Variants in ADGRB3 observed in about 807,000 individuals in gnomAD.
The protein encoded by ADGRB3 is brain-specific angiogenesis inhibitor 3.
Under a neutral mutation model 193.4 loss-of-function variants are expected in ADGRB3, and 37 were observed. That is an observed-to-expected ratio of 0.19 (90% CI 0.15 to 0.25). ADGRB3 has a LOEUF of 0.25. Among genes scored for constraint, ADGRB3 ranks in the 10% least tolerant of loss-of-function variants. The pLI, the probability that ADGRB3 is intolerant of heterozygous loss-of-function variation, is 1.00. For synonymous variants in ADGRB3, 690 were observed against 644.2 expected, an observed-to-expected ratio of 1.07 and a Z score of -1.08; for missense variants, 1,637 against 1,852.9, an observed-to-expected ratio of 0.88 and a Z score of 2.14.
chr6:69,333,264 C>G (rs905546186), intron 24 of ADGRB3, among the ~76,000 whole-genome samples: 1 of 152,084 alleles, frequency 6.6e-6, no homozygotes, highest in Admixed American at 6.5e-5. Context: ...CAGATAAGAA[C>G]GTTAAACATT....
chr6:69,009,563 T>G (rs1769871728), intron 11 of ADGRB3, among the ~76,000 whole-genome samples: 1 of 152,146 alleles, frequency 6.6e-6, no homozygotes, highest in Non-Finnish European at 1.5e-5. Context: ...AGTGGCTGGA[T>G]CACATATGGC....
intron 13 of ADGRB3, among the ~76,000 whole-genome samples, chr6:69,019,797 ACCTT>A (rs1770208053): frequency 6.6e-6 from 1 of 151,990 alleles, no homozygotes; most frequent in Non-Finnish European, 1.5e-5. Context: ...AGGAAGCTGT[ACCTT>A]CTTATGGACA....
In ADGRB3 at chr6:68,691,168, T is replaced by G. The variant is rs550789329; in HGVS notation, c.757+51736T>G. Among the ~76,000 whole-genome samples, 6 of 152,214 alleles carry G rather than the reference T, an allele frequency of 3.9e-5. No individual in the cohort carries two copies. The East Asian group carries it at 1.2e-3, about 29-fold the overall frequency. On this transcript the variant is annotated intron_variant, in intron 3 of 31. Transcript: ENST00000370598. ...AGTTCTAGGGGAATCAGTTGAATAT[T>G]TGAATGGATCTTAACAAAACTGAAT...
intron 3 of ADGRB3, among the ~76,000 whole-genome samples, chr6:68,679,943 C>T (rs139528848): frequency 5.7e-4 from 87 of 152,160 alleles, no homozygotes; most frequent in African/African-American, 1.9e-3. Context: ...CTAATCCCAA[C>T]GGAAGGTATT....
At chr6:68,963,519 A>G (rs888009809) in intron 8 of ADGRB3, among the ~76,000 whole-genome samples, 2 of 152,106 alleles carry the variant, frequency 1.3e-5, no homozygotes, top group Non-Finnish European at 2.9e-5. Context: ...TAGCTTTCCA[A>G]TGTTATCTCA....
intron 3 of ADGRB3, among the ~76,000 whole-genome samples, chr6:68,690,852 T>A (rs1388119476): frequency 6.6e-6 from 1 of 152,158 alleles, no homozygotes; most frequent in Non-Finnish European, 1.5e-5. Flanking sequence ...ATTTTATGTT[T>A]ATTTTCCCAT....
intron 5 of ADGRB3, among the ~76,000 whole-genome samples, chr6:68,942,123 A>G (rs1037866237): frequency 1.3e-5 from 2 of 152,004 alleles, no homozygotes; most frequent in Non-Finnish European, 2.9e-5. Flanking sequence ...TTCAATATTT[A>G]AACATCCTAT....
chr6:69,052,995 G>C (rs1771444021), intron 15 of ADGRB3, among the ~76,000 whole-genome samples: 1 of 152,146 alleles, frequency 6.6e-6, no homozygotes, highest in African/African-American at 2.4e-5. Flanking sequence ...AGACCAGCCT[G>C]GCCAACATGG....
chr6:69,095,796 C>A (rs893978373), intron 17 of ADGRB3, among the ~76,000 whole-genome samples: 2 of 152,132 alleles, frequency 1.3e-5, no homozygotes, highest in African/African-American at 4.8e-5. Context: ...AACATACACA[C>A]ACGCACATGC....
Position 68,641,462 on chromosome 6 carries a change from A to G in ADGRB3, c.757+2030A>G, listed in dbSNP as rs987159693. 2.1e-4 allele frequency among the ~76,000 whole-genome samples: 32 copies of G among 152,200 alleles called. 1 individual carries two copies. ...TGTATATTGTCATTAATTCACTGGCAAAATGAAAAAGAAATACCTTCACTG... is the reference window on the plus strand; with the variant it reads ...TGTATATTGTCATTAATTCACTGGCGAAATGAAAAAGAAATACCTTCACTG... On this transcript the variant is annotated intron_variant, in intron 3 of 31. Coordinates refer to ENST00000370598, the MANE Select transcript of ADGRB3 (RefSeq NM_001704.3).
intron 8 of ADGRB3, among the ~76,000 whole-genome samples, chr6:68,969,198 T>A (rs1273053957): frequency 6.6e-6 from 1 of 152,072 alleles, no homozygotes; most frequent in African/African-American, 2.4e-5. Flanking sequence ...GTATTTTCAA[T>A]CTGTTGTGAG....
rs138551399 is a variant in ADGRB3 at position 68,915,796 on chromosome 6, C to A, written c.758-14763C>A. 3.3e-3 allele frequency among the ~76,000 whole-genome samples: 493 copies of A among 151,434 alleles called. 1 individual carries two copies. The highest frequency in any genetic ancestry group is 0.012 in the African/African-American group (484 of 41,304). The stretch of plus-strand genomic sequence containing the variant: ...AAAAAAAACTACCCAAGAAAAAAAA[C>A]AAACACTGGCACATACCGCACAGGT... On this transcript the variant is annotated intron_variant, in intron 3 of 31. Coordinates refer to ENST00000370598, the MANE Select transcript of ADGRB3 (RefSeq NM_001704.3).
At chr6:69,194,002 C>T (rs1765249776) in intron 17 of ADGRB3, among the ~76,000 whole-genome samples, 2 of 152,040 alleles carry the variant, frequency 1.3e-5, no homozygotes, top group African/African-American at 4.8e-5. Context: ...CATTCATTTT[C>T]ATTTTCATAA....
intron 3 of ADGRB3, among the ~76,000 whole-genome samples, chr6:68,760,112 T>C (rs1766369167): frequency 6.6e-6 from 1 of 152,226 alleles, no homozygotes; most frequent in South Asian, 2.1e-4. Context: ...AATTCAGTAC[T>C]TCTGATCATT....
At chr6:68,964,477 A>C (rs1477724722) in intron 8 of ADGRB3, among the ~76,000 whole-genome samples, 1 of 152,156 alleles carries the variant, frequency 6.6e-6, no homozygotes, top group East Asian at 1.9e-4. Context: ...TACATATGCT[A>C]TGACCTAGAG....
intron 3 of ADGRB3, among the ~76,000 whole-genome samples, chr6:68,682,622 T>C (rs1226548730): frequency 6.6e-6 from 1 of 152,188 alleles, no homozygotes; most frequent in Non-Finnish European, 1.5e-5. Flanking sequence ...TTAGCAGCAA[T>C]AGCACTATTT....
chr6:69,045,732 C>T (rs1217134589), intron 13 of ADGRB3, among the ~76,000 whole-genome samples: 1 of 152,092 alleles, frequency 6.6e-6, no homozygotes, highest in Non-Finnish European at 1.5e-5. Context: ...TCTCAAACCA[C>T]TTAGAATGTG....
At chr6:69,082,921 C>A (rs1772428688) in intron 17 of ADGRB3, among the ~76,000 whole-genome samples, 1 of 152,144 alleles carries the variant, frequency 6.6e-6, no homozygotes, top group Non-Finnish European at 1.5e-5. Flanking sequence ...GTATTTGCCT[C>A]TGCTTATTAC....
chr6:68,712,576 GA>G lies in ADGRB3; in HGVS notation c.757+73151del, dbSNP rs559797906. Among the ~76,000 whole-genome samples, 97 of 151,740 alleles carry G rather than the reference GA, an allele frequency of 6.4e-4. 1 individual carries two copies. The highest frequency in any genetic ancestry group is 4.6e-3 in the South Asian group (22 of 4,810). On this transcript the variant is annotated intron_variant, in intron 3 of 31. Transcript: ENST00000370598. ...AAGATGTTTTGTGAAAAAAGGGACA[GA>G]AAAAAATGTAGAAATATAGGAGGAA...
Sources: gnomAD v4.1 joint callset for allele counts (sites outside exome capture counted in the v4.1 genomes callset) on GRCh38, gnomAD v4.1.1 for gene constraint, MANE v1.5 for transcripts, NCBI Gene and HGNC (gene_info 2026-07-23, HGNC 2026-07-21) for gene names.